The following FAM107A variants were observed in gnomAD, a reference collection of about 807,000 sequenced individuals.
FAM107A encodes actin-associated protein FAM107A.
A neutral mutation model predicts 13.7 loss-of-function variants in FAM107A; 19 were observed. The ratio of observed to expected loss-of-function variants is 1.38; its 90% CI spans 0.97 to 2.03. The LOEUF is 2.03. Ranked by LOEUF, FAM107A falls within the 30% of genes most tolerant of loss-of-function variation. FAM107A has a pLI of 0.00. For synonymous variants in FAM107A, 82 were observed against 74.5 expected, an observed-to-expected ratio of 1.10 and a Z score of -0.52; for missense variants, 203 against 184.4, an observed-to-expected ratio of 1.10 and a Z score of -0.58.
upstream of FAM107A, chr3:58,589,227 T>G (rs754008600): frequency 8.5e-6 from 13 of 1,535,300 alleles, no homozygotes; most frequent in Non-Finnish European, 9.6e-6. Flanking sequence ...CGTCTCTGCT[T>G]CTCATTTTCA....
chr3:58,586,929 T>C (rs1351887571), exon 1 of FAM107A: 1 of 1,530,380 alleles, frequency 6.5e-7, no homozygotes, highest in African/African-American at 1.4e-5. Context: ...GCCCAGCCTC[T>C]GCGCCATGCC....
upstream of FAM107A, among the ~76,000 whole-genome samples, chr3:58,582,637 G>A (rs1559479555): frequency 6.6e-6 from 1 of 152,224 alleles, no homozygotes; most frequent in Non-Finnish European, 1.5e-5. Context: ...ACAACTGGGT[G>A]ACCTTCAACT....
At chr3:58,584,599 C>T (rs2065583468) in intron 1 of FAM107A, among the ~76,000 whole-genome samples, 1 of 152,178 alleles carries the variant, frequency 6.6e-6, no homozygotes, top group Non-Finnish European at 1.5e-5. Context: ...TAACAATTGG[C>T]AGTGTCCTTC....
At chr3:58,567,470 A>C (rs1182636197) in intron 2 of FAM107A, 106 bp from the exon 3 acceptor site, 5 of 1,289,150 alleles carry the variant, frequency 3.9e-6, no homozygotes, top group Non-Finnish European at 5.3e-6. Flanking sequence ...TATCTTGTGC[A>C]ATCCTCCCTG....
chr3:58,585,328 G>C (rs1039026417), intron 1 of FAM107A, among the ~76,000 whole-genome samples: 3 of 152,188 alleles, frequency 2.0e-5, no homozygotes, highest in African/African-American at 7.2e-5. Context: ...AATCAGATTC[G>C]TCTGATGATA....
rs2063630577 is a variant in FAM107A, at chr3:58,567,198, C to T, written c.327+10G>A. On this transcript the variant is annotated intron_variant, in intron 3 of 3. Transcript: ENST00000360997. ...GGATGCGTGGTCCCTGCTGGGTGCC[C>T]ATCACCCACCTGGTTCAGCCTCTGC... 1 of 1,614,046 alleles carries T rather than the reference C, an allele frequency of 6.2e-7. No homozygotes were observed. The highest frequency in any genetic ancestry group is 1.3e-5 in the African/African-American group (1 of 75,046).
chr3:58,578,454 G>A (rs2063747662), upstream of FAM107A, among the ~76,000 whole-genome samples: 1 of 151,384 alleles, frequency 6.6e-6, no homozygotes, highest in African/African-American at 2.4e-5. Context: ...TGTAATCCCA[G>A]CTACCTGGGA....
chr3:58,612,416 C>A (rs999571025), intron 1 of FAM107A, among the ~76,000 whole-genome samples: 1 of 151,954 alleles, frequency 6.6e-6, no homozygotes, highest in Non-Finnish European at 1.5e-5. Flanking sequence ...CTCGTCTCTA[C>A]AAAATATAGA....
At chr3:58,588,396 C>G (rs1416392379), upstream of FAM107A, among the ~76,000 whole-genome samples, 4 of 152,238 alleles carry the variant, frequency 2.6e-5, no homozygotes, top group East Asian at 7.7e-4. Flanking sequence ...CTGCCCAGAT[C>G]CAGCTTCTGC....
chr3:58,575,935 C>T (rs549835192), intron 1 of FAM107A, among the ~76,000 whole-genome samples: 1 of 152,360 alleles, frequency 6.6e-6, no homozygotes, highest in South Asian at 2.1e-4. Flanking sequence ...CGAACACATT[C>T]AGAACCCTCT....
At chr3:58,594,197 C>T (rs1298402378) in intron 1 of FAM107A, among the ~76,000 whole-genome samples, 10 of 152,172 alleles carry the variant, frequency 6.6e-5, no homozygotes, top group Non-Finnish European at 1.5e-4. Flanking sequence ...TACTGACAAA[C>T]GTAAAAACAT....
intron 1 of FAM107A, among the ~76,000 whole-genome samples, chr3:58,599,485 T>C (rs2065734421): frequency 1.3e-5 from 2 of 152,178 alleles, no homozygotes; most frequent in Admixed American, 6.5e-5. Flanking sequence ...AGGCTTTATG[T>C]TATGAATCTA....
intron 1 of FAM107A, chr3:58,608,876 C>T (rs980047707): frequency 3.9e-5 from 6 of 152,198 alleles, no homozygotes; most frequent in African/African-American, 1.4e-4. Context: ...TAGAAAATTA[C>T]AGGTGCCCAA....
chr3:58,607,561 T>G (rs1043007267), intron 1 of FAM107A: 4 of 151,898 alleles, frequency 2.6e-5, no homozygotes, highest in African/African-American at 9.7e-5. Flanking sequence ...TAGATGGATT[T>G]GTATATGTGC....
chr3:58,580,596 T>A (rs1285083553), upstream of FAM107A, among the ~76,000 whole-genome samples: 1 of 151,852 alleles, frequency 6.6e-6, no homozygotes, highest in Middle Eastern at 3.2e-3. Context: ...TTATTTTTTT[T>A]AGAAATGAGA....
chr3:58,610,975 G>T (rs928010238), intron 1 of FAM107A, among the ~76,000 whole-genome samples: 1 of 152,162 alleles, frequency 6.6e-6, no homozygotes. Context: ...TTGGATCATG[G>T]GGGCTGTTAC....
chr3:58,581,320 G>C (rs1575445072), upstream of FAM107A, among the ~76,000 whole-genome samples: 1 of 152,264 alleles, frequency 6.6e-6, no homozygotes, highest in East Asian at 1.9e-4. Flanking sequence ...AGTCCTGACA[G>C]GGAGGTGGAG....
At chr3:58,627,184 G>T in intron 1 of FAM107A, 1 of 601,836 alleles carries the variant, frequency 1.7e-6, no homozygotes, top group Non-Finnish European at 2.9e-6. Flanking sequence ...GCCTCAGACA[G>T]GCTTAGGGCG....
intron 1 of FAM107A, among the ~76,000 whole-genome samples, chr3:58,619,596 C>T (rs868666871): frequency 3.9e-5 from 6 of 152,326 alleles, no homozygotes; most frequent in South Asian, 2.1e-4. Flanking sequence ...CTCTCGGCCT[C>T]GTGGGTCCCC....
Sources: allele counts gnomAD v4.1 joint callset (sites outside exome capture counted in the v4.1 genomes callset), GRCh38; gene constraint gnomAD v4.1.1; transcripts MANE v1.5; gene names NCBI Gene and HGNC (gene_info 2026-07-23, HGNC 2026-07-21).